SOX6: variants seen among roughly 807,000 people sequenced by gnomAD.
SOX6 encodes SRY-box transcription factor 6, also known as transcription factor SOX-6.
Under a neutral mutation model 97.8 loss-of-function variants are expected in SOX6, and 11 were observed. The ratio of observed to expected loss-of-function variants is 0.11; its 90% CI spans 0.07 to 0.19. SOX6 has a LOEUF of 0.19. SOX6 is among the 10% of genes least tolerant of loss of function. The pLI is 1.00. For missense variants in SOX6, 810 were observed against 1,039.5 expected (o/e 0.78, Z 3.04); for synonymous variants, 360 against 371.4 (o/e 0.97, Z 0.35).
chr11:16,054,962 T>C (rs1847777315), intron 10 of SOX6, among the ~76,000 whole-genome samples: 1 of 152,164 alleles, frequency 6.6e-6, no homozygotes, highest in Admixed American at 6.6e-5. Flanking sequence ...TTCAAGACGC[T>C]GAAAATTAGT....
chr11:16,713,348 G>T (rs949681801), intron 3 of SOX6, among the ~76,000 whole-genome samples: 1 of 151,516 alleles, frequency 6.6e-6, no homozygotes, highest in Admixed American at 6.7e-5. Context: ...AAAAATTTGA[G>T]AATATAGACA....
chr11:16,107,032 G>C (rs905475715), intron 7 of SOX6, among the ~76,000 whole-genome samples: 2 of 151,838 alleles, frequency 1.3e-5, no homozygotes, highest in Non-Finnish European at 2.9e-5. Flanking sequence ...AAATCACAGC[G>C]AGATACCACT....
chr11:16,476,666 G>A (rs1293469446), upstream of SOX6, among the ~76,000 whole-genome samples: 1 of 151,822 alleles, frequency 6.6e-6, no homozygotes, highest in African/African-American at 2.4e-5. Context: ...AGAACAAAAG[G>A]GAAAAAATTT....
chr11:16,369,037 C>T (rs773488987), intron 1 of SOX6, among the ~76,000 whole-genome samples: 2 of 151,938 alleles, frequency 1.3e-5, no homozygotes, highest in African/African-American at 2.4e-5. Flanking sequence ...TCAAGACTAG[C>T]CTGGGCAACA....
intron 3 of SOX6, among the ~76,000 whole-genome samples, chr11:16,694,558 C>T (rs1272105969): frequency 1.3e-5 from 2 of 152,134 alleles, no homozygotes; most frequent in Non-Finnish European, 2.9e-5. Flanking sequence ...TCATTCCTAA[C>T]CTCAGAAAAA....
chr11:16,517,217 A>AT (rs1375596451), intron 4 of SOX6, among the ~76,000 whole-genome samples: 1 of 151,944 alleles, frequency 6.6e-6, no homozygotes, highest in African/African-American at 2.4e-5. Flanking sequence ...CCCACAGCCA[A>AT]TATCATACTG....
chr11:16,435,954 G>C (rs924658969), intron 1 of SOX6, among the ~76,000 whole-genome samples: 2 of 151,978 alleles, frequency 1.3e-5, no homozygotes, highest in African/African-American at 4.8e-5. Flanking sequence ...CAGCTACCAG[G>C]CTCCTTTAGA....
chr11:16,410,831 C>G (rs977132804), intron 1 of SOX6, among the ~76,000 whole-genome samples: 1 of 133,880 alleles, frequency 7.5e-6, no homozygotes, highest in African/African-American at 2.8e-5. Context: ...AAAATGAAAA[C>G]AGATGATATA....
rs1218879721 is a variant in SOX6 at position 16,703,080 on chromosome 11, T to C, written n.429+11750A>G. 3.9e-5 allele frequency among the ~76,000 whole-genome samples: 6 copies of C among 151,950 alleles called. No individual in the cohort carries two copies. In the East Asian group the frequency reaches 9.6e-4, roughly 24 times the overall value. On this transcript the variant is annotated intron_variant and non_coding_transcript_variant, in intron 3 of 5. Transcript: ENST00000524520. The stretch of plus-strand genomic sequence containing the variant: ...TAGGAAATTTGAACTTACTACAGCA[T>C]TTAAAATGTATCTTATATGTTTGTA...
chr11:16,493,887 T>G (rs10766327), intron 4 of SOX6, among the ~76,000 whole-genome samples: 26,764 of 152,164 alleles, frequency 0.18, 2,757 homozygotes, highest in Admixed American at 0.31. Context: ...ATATAAGCTT[T>G]AACCCATAAT....
chr11:16,716,189 CTG>C (rs1234692397), intron 2 of SOX6, among the ~76,000 whole-genome samples: 2 of 152,092 alleles, frequency 1.3e-5, no homozygotes, highest in Admixed American at 6.6e-5. Context: ...TGAACTGACA[CTG>C]TGCCACTGCA....
chr11:16,337,958 C>T (rs1856513282), intron 2 of SOX6, among the ~76,000 whole-genome samples: 1 of 151,950 alleles, frequency 6.6e-6, no homozygotes, highest in South Asian at 2.1e-4. Context: ...ATTAGTAGAG[C>T]TTCTTTGCTT....
At chr11:16,165,656 G>T (rs1589989068) in intron 6 of SOX6, among the ~76,000 whole-genome samples, 1 of 152,264 alleles carries the variant, frequency 6.6e-6, no homozygotes, top group African/African-American at 2.4e-5. Context: ...CCAGCACTTT[G>T]GGAGGCCAAG....
chr11:16,294,159 C>T (rs1854998489), intron 3 of SOX6, among the ~76,000 whole-genome samples: 1 of 151,958 alleles, frequency 6.6e-6, no homozygotes, highest in African/African-American at 2.4e-5. Context: ...CATATTTATG[C>T]AAGAGGGGCT....
At chr11:16,083,047 A>G (rs2133957827) in intron 9 of SOX6, among the ~76,000 whole-genome samples, 1 of 152,246 alleles carries the variant, frequency 6.6e-6, no homozygotes, top group East Asian at 1.9e-4. Context: ...ATCCTTCCCC[A>G]TAAACCTGGG....
chr11:16,085,098 A>G (rs1200287421), intron 9 of SOX6, among the ~76,000 whole-genome samples: 1 of 152,198 alleles, frequency 6.6e-6, no homozygotes, highest in African/African-American at 2.4e-5. Flanking sequence ...AGCCAATGAC[A>G]TAACTACACA....
chr11:16,004,015 TACATATATATATACACACAC>T, intron 13 of SOX6, among the ~76,000 whole-genome samples: 1 of 151,118 alleles, frequency 6.6e-6, no homozygotes, highest in South Asian at 2.1e-4. Context: ...ATATATATAA[TACATATATATATACACACAC>T]ACATATATAT....
upstream of SOX6, among the ~76,000 whole-genome samples, chr11:16,481,131 C>T (rs1860338059): frequency 6.6e-6 from 1 of 152,082 alleles, no homozygotes. Flanking sequence ...CAATTCTTCA[C>T]TGTTATTATC....
intron 3 of SOX6, among the ~76,000 whole-genome samples, chr11:16,618,241 T>C (rs1848495387): frequency 6.6e-6 from 1 of 151,948 alleles, no homozygotes; most frequent in Non-Finnish European, 1.5e-5. Context: ...TTCTTTATAT[T>C]TTCTTTTATT....
Sources: allele counts gnomAD v4.1 joint callset (sites outside exome capture counted in the v4.1 genomes callset), GRCh38; gene constraint gnomAD v4.1.1; transcripts MANE v1.5; gene names NCBI Gene and HGNC (gene_info 2026-07-23, HGNC 2026-07-21).